ROBO2: variants seen among roughly 807,000 people sequenced by gnomAD.
The protein encoded by ROBO2 is roundabout homolog 2.
A neutral mutation model predicts 160.8 loss-of-function variants in ROBO2; 53 were observed. The observed-to-expected ratio is 0.33, with a 90% CI of 0.26 to 0.41. The LOEUF (loss-of-function observed/expected upper bound fraction) is 0.41, where lower values mean the gene tolerates loss of function less well. ROBO2 is among the 10% of genes least tolerant of loss of function. The probability of loss-of-function intolerance (pLI) is 1.00; values close to 1 mark genes in which losing one functional copy is unlikely to be tolerated. For synonymous variants in ROBO2, 664 were observed against 611.7 expected (o/e 1.09, Z -1.26); for missense variants, 1,577 against 1,722.4 (o/e 0.92, Z 1.49).
intron 2 of ROBO2, among the ~76,000 whole-genome samples, chr3:76,773,927 G>A (rs1189472135): frequency 6.6e-6 from 1 of 150,842 alleles, no homozygotes; most frequent in African/African-American, 2.4e-5. Context: ...AACTGGAGCT[G>A]TGAAATTTGC....
chr3:76,904,960 A>G (rs924450207), intron 2 of ROBO2, among the ~76,000 whole-genome samples: 5 of 152,186 alleles, frequency 3.3e-5, no homozygotes, highest in South Asian at 2.1e-4. Flanking sequence ...GTATTATCCT[A>G]TAAGTAATGA....
chr3:77,446,077 GACC>G (rs1560855704), intron 2 of ROBO2, among the ~76,000 whole-genome samples: 1 of 151,960 alleles, frequency 6.6e-6, no homozygotes, highest in Non-Finnish European at 1.5e-5. Context: ...CTCTCCAGAG[GACC>G]AGCAAGAAAT....
intron 2 of ROBO2, among the ~76,000 whole-genome samples, chr3:76,887,035 T>C (rs1052394087): frequency 6.6e-6 from 1 of 152,224 alleles, no homozygotes; most frequent in African/African-American, 2.4e-5. Context: ...GGTATTCTTA[T>C]GCAATAACCA....
Position 77,510,286 on chromosome 3 carries a change from G to A in ROBO2, c.807-12489G>A, listed in dbSNP as rs142020929. Among the ~76,000 whole-genome samples the A allele has an allele frequency of 4.0e-3, 603 of 152,240 alleles. 2 individuals carry two copies. The highest frequency in any genetic ancestry group is 7.1e-3 in the Non-Finnish European group (484 of 67,990). ...ATTAAAGCTATGGAACAAGATAACT[G>A]AAGATATAGACAAGCAACTTATGGA... On this transcript the variant is annotated intron_variant, in intron 5 of 25. Transcript: ENST00000461745.
chr3:76,274,680 T>C (rs1291048513), intron 2 of ROBO2, among the ~76,000 whole-genome samples: 2 of 151,538 alleles, frequency 1.3e-5, no homozygotes, highest in Non-Finnish European at 2.9e-5. Flanking sequence ...CTACTAAAAA[T>C]ACAAAAAATT....
intron 2 of ROBO2, among the ~76,000 whole-genome samples, chr3:77,016,643 A>C (rs992674881): frequency 1.3e-5 from 2 of 152,188 alleles, no homozygotes; most frequent in Non-Finnish European, 2.9e-5. Context: ...TGCAATTTCT[A>C]GTCCTCTCAA....
At chr3:76,697,506 G>A (rs1441965449) in intron 2 of ROBO2, among the ~76,000 whole-genome samples, 1 of 152,054 alleles carries the variant, frequency 6.6e-6, no homozygotes, top group Non-Finnish European at 1.5e-5. Context: ...AATTAGCCGG[G>A]CATGGTGCCG....
At chr3:76,948,909 T>TATATATATATATATATATA (rs1553703171) in intron 2 of ROBO2, among the ~76,000 whole-genome samples, 2 of 21,796 alleles carry the variant, frequency 9.2e-5, no homozygotes, top group African/African-American at 4.1e-4. Flanking sequence ...TATATATATA[T>TATATATATATATATATATA]TTTTTTTTTT....
intron 2 of ROBO2, among the ~76,000 whole-genome samples, chr3:76,076,775 A>C (rs912397982): frequency 6.6e-6 from 1 of 152,190 alleles, no homozygotes; most frequent in Non-Finnish European, 1.5e-5. Context: ...ATATAACCTG[A>C]CATTTCTCTG....
At chr3:76,878,139 C>A (rs1425697728) in intron 2 of ROBO2, among the ~76,000 whole-genome samples, 1 of 152,036 alleles carries the variant, frequency 6.6e-6, no homozygotes. Context: ...CCCTATGATG[C>A]ATTGAGCACA....
intron 2 of ROBO2, among the ~76,000 whole-genome samples, chr3:77,120,320 A>C (rs1453081726): frequency 1.3e-5 from 2 of 152,170 alleles, no homozygotes; most frequent in Non-Finnish European, 2.9e-5. Flanking sequence ...TGATGACCTA[A>C]AAAGATTTAG....
intron 2 of ROBO2, among the ~76,000 whole-genome samples, chr3:76,960,316 G>T (rs185367245): frequency 2.8e-4 from 42 of 152,160 alleles, no homozygotes; most frequent in African/African-American, 9.6e-4. Context: ...AGTTAGAGGT[G>T]CTATAATTAA....
At chr3:77,478,272 G>T (rs562872288) in intron 3 of ROBO2, among the ~76,000 whole-genome samples, 22 of 152,110 alleles carry the variant, frequency 1.4e-4, no homozygotes, top group Non-Finnish European at 3.1e-4. Context: ...TTAATTTAAG[G>T]TGATGAATAT....
intron 2 of ROBO2, among the ~76,000 whole-genome samples, chr3:76,301,952 C>T (rs942472208): frequency 3.3e-5 from 5 of 152,150 alleles, no homozygotes; most frequent in Non-Finnish European, 5.9e-5. Context: ...CTTTTAGATG[C>T]TTTTCTTGTA....
intron 2 of ROBO2, among the ~76,000 whole-genome samples, chr3:77,018,031 T>TA (rs2062391215): frequency 6.6e-6 from 1 of 152,056 alleles, no homozygotes; most frequent in Non-Finnish European, 1.5e-5. Flanking sequence ...CGCCTGCATA[T>TA]AAAAAAGCTT....
chr3:75,954,153 TGTAAGGAA>T (rs1256998884), intron 2 of ROBO2, among the ~76,000 whole-genome samples: 1 of 151,844 alleles, frequency 6.6e-6, no homozygotes, highest in Non-Finnish European at 1.5e-5. Context: ...TATGCTAGGT[TGTAAGGAA>T]AGGTACAAAA....
Position 75,975,434 on chromosome 3 carries a change from G to A in ROBO2, c.109+37832G>A, listed in dbSNP as rs1576351806. Among the ~76,000 whole-genome samples, 3 of 151,306 alleles carry A rather than the reference G, an allele frequency of 2.0e-5. No homozygotes were observed. In the East Asian group the frequency reaches 5.9e-4, roughly 30 times the overall value. On this transcript the variant is annotated intron_variant, in intron 2 of 26. Coordinates refer to the ROBO2 transcript ENST00000487694. Reference sequence around the variant, plus strand: ...GTACTAATATATTTCGGTAGCCTCTGTTTAGATCAATTTCATCTACTCTTT... The same window carrying A: ...GTACTAATATATTTCGGTAGCCTCTATTTAGATCAATTTCATCTACTCTTT...
At chr3:77,377,177 A>G (rs1309685553) in intron 2 of ROBO2, among the ~76,000 whole-genome samples, 1 of 152,224 alleles carries the variant, frequency 6.6e-6, no homozygotes, top group Non-Finnish European at 1.5e-5. Flanking sequence ...ATAAATTTAC[A>G]TTATTCAAAA....
intron 2 of ROBO2, among the ~76,000 whole-genome samples, chr3:76,416,260 T>C (rs1267105578): frequency 1.3e-5 from 2 of 152,190 alleles, no homozygotes; most frequent in Non-Finnish European, 2.9e-5. Context: ...GTAAATTAAC[T>C]AACAAATTCC....
Sources: gnomAD v4.1 joint callset for allele counts (sites outside exome capture counted in the v4.1 genomes callset) on GRCh38, gnomAD v4.1.1 for gene constraint, MANE v1.5 for transcripts, NCBI Gene and HGNC (gene_info 2026-07-23, HGNC 2026-07-21) for gene names.